The following SAMD12 variants were observed in gnomAD, a reference collection of about 807,000 sequenced individuals.
SAMD12 encodes the protein sterile alpha motif domain-containing protein 12.
SAMD12 carries 9 observed loss-of-function variants against 15.0 expected under a neutral mutation model. That is an observed-to-expected ratio of 0.60 (90% CI 0.36 to 1.05). The LOEUF (loss-of-function observed/expected upper bound fraction) is 1.05, where lower values mean the gene tolerates loss of function less well. Ranked by LOEUF, SAMD12 falls within the 50% of genes least tolerant of loss-of-function variation. The pLI, the probability that SAMD12 is intolerant of heterozygous loss-of-function variation, is 0.01. For synonymous variants in SAMD12, 86 were observed against 90.1 expected (o/e 0.96, Z 0.25); for missense variants, 230 against 234.2 (o/e 0.98, Z 0.12).
At chr8:118,233,242 T>C (rs1812354471) in intron 4 of SAMD12, among the ~76,000 whole-genome samples, 2 of 152,182 alleles carry the variant, frequency 1.3e-5, no homozygotes, top group African/African-American at 4.8e-5. Flanking sequence ...TCTTCTCCTA[T>C]TGGAAATTAT....
intron 3 of SAMD12, among the ~76,000 whole-genome samples, chr8:118,428,598 A>G (rs1822308339): frequency 6.6e-6 from 1 of 152,120 alleles, no homozygotes; most frequent in African/African-American, 2.4e-5. Flanking sequence ...ATTTCAAATT[A>G]AATGTTGTGT....
chr8:118,495,430 G>A (rs1824581454), intron 2 of SAMD12, among the ~76,000 whole-genome samples: 1 of 152,118 alleles, frequency 6.6e-6, no homozygotes, highest in African/African-American at 2.4e-5. Flanking sequence ...TCAGCTGAGT[G>A]TGATTTTTAC....
intron 4 of SAMD12, among the ~76,000 whole-genome samples, chr8:118,221,897 G>A (rs1457753593): frequency 2.0e-5 from 3 of 152,124 alleles, no homozygotes; most frequent in South Asian, 2.1e-4. Flanking sequence ...TCCATGTTTC[G>A]CTTTTTGCTC....
the SAMD12 span, among the ~76,000 whole-genome samples, chr8:118,166,046 T>G: frequency 6.6e-6 from 1 of 152,178 alleles, no homozygotes; most frequent in Non-Finnish European, 1.5e-5. Flanking sequence ...AATAGCTTCT[T>G]TCCTCATAAC....
At chr8:118,444,445 A>C (rs946892502) in intron 2 of SAMD12, among the ~76,000 whole-genome samples, 8 of 152,036 alleles carry the variant, frequency 5.3e-5, no homozygotes, top group Non-Finnish European at 1.2e-4. Context: ...TGAATTTCAG[A>C]CGCTTTTCCT....
chr8:118,197,756 T>C (rs1819608451), intron 4 of SAMD12: 2 of 1,608,680 alleles, frequency 1.2e-6, no homozygotes, highest in Non-Finnish European at 1.7e-6. Context: ...AAGGGGGAAA[T>C]ATGGTAAGTT....
chr8:118,344,227 T>C (rs2515029), intron 4 of SAMD12, among the ~76,000 whole-genome samples: 65,602 of 152,002 alleles, frequency 0.43, 15,056 homozygotes, highest in East Asian at 0.83. Flanking sequence ...GTTGAACTAA[T>C]GTGGGAAGGT....
At chr8:118,502,540 G>A (rs924443208) in intron 2 of SAMD12, among the ~76,000 whole-genome samples, 1 of 152,178 alleles carries the variant, frequency 6.6e-6, no homozygotes, top group African/African-American at 2.4e-5. Flanking sequence ...TAATAACTGT[G>A]TAAAAGTCAG....
intron 4 of SAMD12, among the ~76,000 whole-genome samples, chr8:118,321,144 A>AATAAATAAATAAAT (rs57107358): frequency 1.1e-5 from 1 of 94,508 alleles, no homozygotes; most frequent in African/African-American, 4.1e-5. Context: ...ATAGATAATA[A>AATAAATAAATAAAT]ATATATATAT....
At chr8:118,231,878 C>T (rs1812316562) in intron 4 of SAMD12, among the ~76,000 whole-genome samples, 1 of 151,670 alleles carries the variant, frequency 6.6e-6, no homozygotes, top group African/African-American at 2.4e-5. Flanking sequence ...GTGATGTACA[C>T]ACTTCTAGTA....
intron 1 of SAMD12, among the ~76,000 whole-genome samples, chr8:118,601,615 T>C (rs1209598414): frequency 6.6e-6 from 1 of 152,204 alleles, no homozygotes; most frequent in African/African-American, 2.4e-5. Flanking sequence ...TCTTGCCCTC[T>C]TCCTGCTTCT....
chr8:118,593,274 G>A (rs571684064), intron 1 of SAMD12, among the ~76,000 whole-genome samples: 2 of 152,214 alleles, frequency 1.3e-5, no homozygotes, highest in East Asian at 1.9e-4. Context: ...GTGGTCCAAA[G>A]GCTAAAAGTA....
chr8:118,470,093 AAGAGT>A (rs1436899491), intron 2 of SAMD12, among the ~76,000 whole-genome samples: 2 of 151,824 alleles, frequency 1.3e-5, no homozygotes, highest in Admixed American at 1.3e-4. Flanking sequence ...CAGTGCTGAG[AAGAGT>A]AAATACTTGT....
chr8:118,382,014 A>G (rs909415687), intron 3 of SAMD12, among the ~76,000 whole-genome samples: 3 of 152,238 alleles, frequency 2.0e-5, no homozygotes, highest in Non-Finnish European at 2.9e-5. Context: ...CTGCAGTCCA[A>G]TGCTCTGCTC....
Position 118,526,184 on chromosome 8 carries a change from G to A in SAMD12, c.192+54531C>T, listed in dbSNP as rs117554180. On this transcript the variant is annotated intron_variant, in intron 2 of 3. Transcript: ENST00000314727. ...CATGGATTACCTCATTTAAGCTGCT[G>A]AACAACAACATGAGATAGAAACTAT... Among the ~76,000 whole-genome samples the A allele has an allele frequency of 2.3e-4, 35 of 152,230 alleles. 1 individual carries two copies. In the East Asian group the frequency reaches 6.6e-3, roughly 29 times the overall value.
chr8:118,424,436 C>T (rs1005729833), intron 3 of SAMD12, among the ~76,000 whole-genome samples: 4 of 151,978 alleles, frequency 2.6e-5, no homozygotes, highest in Non-Finnish European at 4.4e-5. Flanking sequence ...ACATACTTGG[C>T]GAAGGTCACA....
At chr8:118,333,730 C>T (rs1473480355) in intron 4 of SAMD12, among the ~76,000 whole-genome samples, 1 of 152,282 alleles carries the variant, frequency 6.6e-6, no homozygotes, top group East Asian at 1.9e-4. Context: ...CTAGCCTCCT[C>T]TTTGATCACT....
chr8:118,338,531 C>T (rs1237366378), intron 4 of SAMD12, among the ~76,000 whole-genome samples: 1 of 152,144 alleles, frequency 6.6e-6, no homozygotes, highest in East Asian at 1.9e-4. Context: ...ATGTTTTCTC[C>T]TCAAAATGTT....
chr8:118,491,116 C>T (rs1824430784), intron 2 of SAMD12, among the ~76,000 whole-genome samples: 1 of 152,146 alleles, frequency 6.6e-6, no homozygotes, highest in African/African-American at 2.4e-5. Flanking sequence ...AATGCATCAT[C>T]TCTGTCATTC....
Sources: allele counts gnomAD v4.1 joint callset (sites outside exome capture counted in the v4.1 genomes callset), GRCh38; gene constraint gnomAD v4.1.1; transcripts MANE v1.5; gene names NCBI Gene and HGNC (gene_info 2026-07-23, HGNC 2026-07-21).